The following GMPPB variants were observed in gnomAD, a reference collection of about 807,000 sequenced individuals.
GMPPB encodes the protein mannose-1-phosphate guanylyltransferase catalytic subunit beta.
A neutral mutation model predicts 40.3 loss-of-function variants in GMPPB; 38 were observed. The observed-to-expected ratio is 0.94, with a 90% CI of 0.73 to 1.24. The LOEUF (loss-of-function observed/expected upper bound fraction) is 1.24, where lower values mean the gene tolerates loss of function less well. GMPPB is among the 50% of genes most tolerant of loss of function. The pLI is 0.00. For synonymous variants in GMPPB, 193 were observed against 191.8 expected (o/e 1.01, Z -0.05); for missense variants, 436 against 487.1 (o/e 0.90, Z 0.99).
At position 49,722,355 on chromosome 3, in the gene GMPPB, A is replaced by G. The variant is rs762703013; in HGVS notation, c.644T>C (p.Phe215Ser). The change falls in exon 7 of 9, where the codon TTC becomes TCC. Residue 215 changes from phenylalanine (F) to serine (S), a missense_variant. Physicochemically the swap from Phe to Ser is radical, Grantham distance 155. Coordinates refer to ENST00000308388, the MANE Select transcript of GMPPB (RefSeq NM_021971.4). ...GQLYAMELQGFWMDIGQPKDF... is the reference protein window; with the variant it reads ...GQLYAMELQGSWMDIGQPKDF... ...CTTGGGCTGCCCAATGTCCATCCAGAAGCCTGTAGGGAGGGATGCATCAGG... is the reference window on the plus strand; with the variant it reads ...CTTGGGCTGCCCAATGTCCATCCAGGAGCCTGTAGGGAGGGATGCATCAGG... 1.2e-6 allele frequency: 2 copies of G among 1,613,846 alleles called. No homozygotes were observed. Among genetic ancestry groups the G allele is most frequent in the South Asian group, 2.2e-5 (2 of 91,058 alleles).
At chr3:49,722,881 A>C in intron 4 of GMPPB, 91 bp downstream of exon 4, 7 of 1,519,186 alleles carry the variant, frequency 4.6e-6, no homozygotes, top group Non-Finnish European at 6.3e-6. Flanking sequence ...CTCTGTATCC[A>C]TAACATCCGA....
chr3:49,723,492 C>T lies in GMPPB; in HGVS notation c.130-20G>A. 1 of 1,612,920 alleles carries T rather than the reference C, an allele frequency of 6.2e-7. No homozygotes were observed. The highest frequency in any genetic ancestry group is 8.5e-7 in the Non-Finnish European group (1 of 1,179,944). ...GCCTGCCTGTCAGAACGCAGGCCGA[C>T]GGGCGGGCTCAGTCAGAAGGTACGG... On this transcript the variant is annotated intron_variant, in intron 1 of 8. Coordinates refer to ENST00000308388, the MANE Select transcript of GMPPB (RefSeq NM_021971.4).
chr3:49,720,733 C>T lies in GMPPB; in HGVS notation c.*1019G>A. On this transcript the variant is annotated 3_prime_UTR_variant, in exon 9 of 9. Coordinates refer to ENST00000308388, the MANE Select transcript of GMPPB (RefSeq NM_021971.4). ...GCCTTAAGAACAGCAAAGTCCTAGG[C>T]TGGGAATATTCAAGAGGCATCACAT... 6.2e-7 allele frequency: 1 copy of T among 1,610,752 alleles called. No homozygotes were observed. The highest frequency in any genetic ancestry group is 8.5e-7 in the Non-Finnish European group (1 of 1,177,206).
chr3:49,721,653 C>A lies in GMPPB; in HGVS notation c.*99G>T. On this transcript the variant is annotated 3_prime_UTR_variant, in exon 9 of 9. Coordinates refer to ENST00000308388, the MANE Select transcript of GMPPB (RefSeq NM_021971.4). ...AGCTTCAGCTTCACCCAGTGCCCCCCAGACAAATAATGACAAGTCCAGGGT... is the reference window on the plus strand; with the variant it reads ...AGCTTCAGCTTCACCCAGTGCCCCCAAGACAAATAATGACAAGTCCAGGGT... 8.4e-7 allele frequency: 1 copy of A among 1,194,340 alleles called. No homozygotes were observed. Among genetic ancestry groups the A allele is most frequent in the Non-Finnish European group, 1.2e-6 (1 of 836,778 alleles). 74.0% of individuals were successfully genotyped at this position (1,194,340 alleles called of 1,614,324 possible).
rs1393568853 is a variant in GMPPB at position 49,721,362 on chromosome 3, G to A, written c.*390C>T. The A allele has an allele frequency of 1.2e-6, 2 of 1,612,532 alleles. No individual in the cohort carries two copies. Among genetic ancestry groups the A allele is most frequent in the African/African-American group, 2.7e-5 (2 of 74,904 alleles). ...ACCTTTGAACCCAGAGCCAGGCTGG[G>A]CCCTATTTATGAGCTCCCTTTGCCC... is the stretch of plus-strand genomic sequence containing the variant. On this transcript the variant is annotated 3_prime_UTR_variant, in exon 9 of 9. Coordinates refer to ENST00000308388, the MANE Select transcript of GMPPB (RefSeq NM_021971.4).
rs762117823 is a variant in GMPPB at position 49,723,643 on chromosome 3, G to T, written c.84C>A (p.Phe28Leu). The change falls in exon 1 of 9, where the codon TTC (phenylalanine) becomes TTA (leucine). Residue 28 changes from phenylalanine to leucine, a missense_variant. Phe to Leu is a conservative substitution (Grantham distance 22). Transcript: ENST00000308388. ...TLSTPKPLVD[F>L]CNKPILLHQV... ...GGTGCAGCAAGATGGGCTTATTGCA[G>T]AAGTCCACCAGTGGCTTCGGGGTGC... The T allele has an allele frequency of 1.3e-6, 2 of 1,583,298 alleles. No homozygotes were observed. The highest frequency in any genetic ancestry group is 1.7e-6 in the Non-Finnish European group (2 of 1,165,050).
At position 49,721,207 on chromosome 3, in the gene GMPPB, A is replaced by G; in HGVS notation, c.*545T>C. 1 of 1,614,204 alleles carries G rather than the reference A, an allele frequency of 6.2e-7. No homozygotes were observed. Among genetic ancestry groups the G allele is most frequent in the Non-Finnish European group, 8.5e-7 (1 of 1,180,032 alleles). On this transcript the variant is annotated 3_prime_UTR_variant, in exon 9 of 9. Transcript: ENST00000308388. ...TAGAGCCTGTATCAACCAGCACCTG[A>G]TGAACAACAAGGACTGCTTCTTCTG...
rs768883407 is a variant in GMPPB at position 49,721,361 on chromosome 3, G to C, written c.*391C>G. On this transcript the variant is annotated 3_prime_UTR_variant, in exon 9 of 9. Transcript: ENST00000308388. ...CACCTTTGAACCCAGAGCCAGGCTG[G>C]GCCCTATTTATGAGCTCCCTTTGCC... 2 of 1,612,862 alleles carry C rather than the reference G, an allele frequency of 1.2e-6. No homozygotes were observed. The highest frequency in any genetic ancestry group is 3.3e-5 in the Admixed American group (2 of 60,010).
Position 49,720,783 on chromosome 3 carries a change from T to C in GMPPB, c.*969A>G, listed in dbSNP as rs2080387414. ...TCCTCAGCTACCTCTGACTTGACAC[T>C]ACCTACCACTCCCCAGATGCGGATT... is the stretch of plus-strand genomic sequence containing the variant. On this transcript the variant is annotated 3_prime_UTR_variant, in exon 9 of 9. Transcript: ENST00000308388. 2 of 1,613,848 alleles carry C rather than the reference T, an allele frequency of 1.2e-6. No homozygotes were observed. The highest frequency in any genetic ancestry group is 1.3e-5 in the African/African-American group (1 of 74,908).
chr3:49,723,323 C>A lies in GMPPB; in HGVS notation c.211-21G>T, dbSNP rs781404642. 4.5e-5 allele frequency: 73 copies of A among 1,614,092 alleles called. No individual in the cohort carries two copies. The South Asian group carries it at 7.2e-4, about 16-fold the overall frequency. On this transcript the variant is annotated intron_variant, in intron 2 of 8. Coordinates refer to ENST00000308388, the MANE Select transcript of GMPPB (RefSeq NM_021971.4). ...CCCAGCTGGAAGGAAGAGGCCCCCCCAGTCAGGTTCTACCAGGATGGGAAG... is the reference window on the plus strand; with the variant it reads ...CCCAGCTGGAAGGAAGAGGCCCCCCAAGTCAGGTTCTACCAGGATGGGAAG...
intron 1 of GMPPB, 44 bp from the exon 2 acceptor site, chr3:49,723,516 G>C (rs779074563): frequency 1.5e-5 from 24 of 1,611,282 alleles, no homozygotes; most frequent in Non-Finnish European, 2.0e-5. Context: ...CAGAAGGTAC[G>C]GGAGCCCCTG....
In GMPPB at chr3:49,722,268, A is replaced by C; in HGVS notation, c.731T>G (p.Leu244Arg). The stretch of plus-strand genomic sequence containing the variant: ...GCCCACAATGCCAGGGCCTGAGCAC[A>C]GCCGCTCAGGCTGCTTCTGCCTCAG... ...QSLRQKQPER[L>R]CSGPGIVGNV... is the part of the protein sequence containing the mutation. The change falls in exon 7 of 9, where the codon CTG (leucine) becomes CGG (arginine). Residue 244 changes from leucine (L) to arginine (R), a missense_variant. By Grantham distance (102) the Leu-to-Arg change is moderately radical. Transcript: ENST00000308388. The C allele has an allele frequency of 6.2e-7, 1 of 1,613,894 alleles. No individual in the cohort carries two copies. The highest frequency in any genetic ancestry group is 8.5e-7 in the Non-Finnish European group (1 of 1,179,918).
Position 49,720,540 on chromosome 3 carries a change from C to T in GMPPB, c.*1212G>A. On this transcript the variant is annotated 3_prime_UTR_variant, in exon 9 of 9. Coordinates refer to ENST00000308388, the MANE Select transcript of GMPPB (RefSeq NM_021971.4). ...GAGCAAGCCACATCAGTGCTCCTGG[C>T]AGATCCCTGCTTCCAGCTACGCTCA... 1 of 1,606,656 alleles carries T rather than the reference C, an allele frequency of 6.2e-7. No homozygotes were observed.
rs1289343515 is a variant in GMPPB at position 49,720,466 on chromosome 3, C to G, written c.*1286G>C. On this transcript the variant is annotated 3_prime_UTR_variant, in exon 9 of 9. Coordinates refer to ENST00000308388, the MANE Select transcript of GMPPB (RefSeq NM_021971.4). ...GGCAATCCCAAGAGAGACTTTTAGC[C>G]AGGCCCCAAGCCTTCTGACTGCCCT... 6.6e-7 allele frequency: 1 copy of G among 1,505,346 alleles called. No individual in the cohort carries two copies. Among genetic ancestry groups the G allele is most frequent in the Non-Finnish European group, 8.9e-7 (1 of 1,126,020 alleles). The allele number at this position is 1,505,346 out of a possible 1,614,324, so 93.2% of individuals were successfully genotyped here. A position where few individuals can be genotyped will look rare whatever the true frequency, so the allele number is the denominator to read the frequency against.
Position 49,722,708 on chromosome 3 carries a change from T to A in GMPPB, c.449A>T (p.Glu150Val), listed in dbSNP as rs1185784683. ...CCGGTGAATGCGGCCTGTGTCAGCCTCACACACCACCACACCGTACTTGGA... is the reference window on the plus strand; with the variant it reads ...CCGGTGAATGCGGCCTGTGTCAGCCACACACACCACCACACCGTACTTGGA... ...EPSKYGVVVC[E>V]ADTGRIHRFV... is the part of the protein sequence containing the mutation. Residue 150 changes from glutamate (E) to valine (V), a missense_variant, in exon 5 of 9, where the codon GAG (glutamate) becomes GTG (valine). Transcript: ENST00000308388. 2.5e-6 allele frequency: 4 copies of A among 1,613,632 alleles called. No individual in the cohort carries two copies. The African/African-American group carries it at 5.3e-5, about 22-fold the overall frequency.
Position 49,723,407 on chromosome 3 carries a change from C to T in GMPPB, c.195G>A (p.Lys65=), listed in dbSNP as rs750017093. The T allele has an allele frequency of 1.2e-6, 2 of 1,614,176 alleles. No homozygotes were observed. Among genetic ancestry groups the T allele is most frequent in the South Asian group, 1.1e-5 (1 of 91,086 alleles). ...YMSQVLEKEM[K]AQEQRLGIRI... is the part of the protein sequence containing the mutation. ...TGTGCCTCACCCTCTGCTCCTGTGC[C>T]TTCATTTCCTTCTCCAGCACCTGCG... The change falls in exon 2 of 9, where the codon AAG becomes AAA. Residue 65 remains lysine (K), a synonymous_variant. Coordinates refer to ENST00000308388, the MANE Select transcript of GMPPB (RefSeq NM_021971.4).
rs1299716851 is a variant in GMPPB, at chr3:49,720,449, CAA to C, written c.*1301_*1302del. 1.3e-6 allele frequency: 2 copies of C among 1,488,778 alleles called. No homozygotes were observed. The highest frequency in any genetic ancestry group is 1.8e-6 in the Non-Finnish European group (2 of 1,117,134). 92.2% of individuals were successfully genotyped at this position (1,488,778 alleles called of 1,614,324 possible). ...CCATGGCACTCCTCATTGGCAATCC[CAA>C]GAGAGACTTTTAGCCAGGCCCCAAG... is the stretch of plus-strand genomic sequence containing the variant. On this transcript the variant is annotated 3_prime_UTR_variant, in exon 9 of 9. Transcript: ENST00000308388.
chr3:49,723,321 C>G lies in GMPPB; in HGVS notation c.211-19G>C, dbSNP rs755598141. ...TTCCCAGCTGGAAGGAAGAGGCCCC[C>G]CCAGTCAGGTTCTACCAGGATGGGA... On this transcript the variant is annotated intron_variant, in intron 2 of 8. Coordinates refer to ENST00000308388, the MANE Select transcript of GMPPB (RefSeq NM_021971.4). 13 of 1,614,072 alleles carry G rather than the reference C, an allele frequency of 8.1e-6. No homozygotes were observed. Among genetic ancestry groups the G allele is most frequent in the Non-Finnish European group, 1.0e-5 (12 of 1,180,010 alleles).
Position 49,723,657 on chromosome 3 carries a change from G to A in GMPPB, c.70C>T (p.Pro24Ser), listed in dbSNP as rs1310563727. The A allele has an allele frequency of 2.5e-6, 4 of 1,581,180 alleles. No homozygotes were observed. The highest frequency in any genetic ancestry group is 1.8e-5 in the Admixed American group (1 of 55,202). The stretch of plus-strand genomic sequence containing the variant: ...GGCTTATTGCAGAAGTCCACCAGTG[G>A]CTTCGGGGTGCTCAGCGTCAGCGGC... ...LRPLTLSTPK[P>S]LVDFCNKPIL... Residue 24 changes from proline to serine, a missense_variant, in exon 1 of 9, where the codon CCA becomes TCA. By Grantham distance (74) the Pro-to-Ser change is moderately conservative (BLOSUM62 -1). Transcript: ENST00000308388.
Sources: gnomAD v4.1 joint callset for allele counts on GRCh38, gnomAD v4.1.1 for gene constraint, MANE v1.5 for transcripts, NCBI Gene and HGNC (gene_info 2026-07-23, HGNC 2026-07-21) for gene names.